Variants in KCNB2 observed in about 807,000 individuals in gnomAD.
The protein encoded by KCNB2 is potassium voltage-gated channel subfamily B member 2.
KCNB2 carries 15 observed loss-of-function variants against 61.5 expected under a neutral mutation model. That is an observed-to-expected ratio of 0.24 (90% confidence interval 0.16 to 0.38). The LOEUF (loss-of-function observed/expected upper bound fraction) is 0.38. Among genes scored for constraint, KCNB2 ranks in the 10% least tolerant of loss-of-function variants. KCNB2 has a pLI of 1.00. For synonymous variants in KCNB2, 457 were observed against 446.0 expected (o/e 1.02, Z -0.31); for missense variants, 828 against 1,125.2 (o/e 0.74, Z 3.78).
At chr8:72,655,503 T>G (rs1806277205) in intron 2 of KCNB2, among the ~76,000 whole-genome samples, 1 of 152,076 alleles carries the variant, frequency 6.6e-6, no homozygotes, top group African/African-American at 2.4e-5. Flanking sequence ...GGATTCAATG[T>G]CTATATGGTA....
At chr8:72,854,613 A>G (rs1810175676) in intron 2 of KCNB2, among the ~76,000 whole-genome samples, 1 of 152,192 alleles carries the variant, frequency 6.6e-6, no homozygotes, top group Non-Finnish European at 1.5e-5. Context: ...CTTTAATCAA[A>G]GAATGAGCAA....
At chr8:72,755,461 C>A (rs1260899579) in intron 2 of KCNB2, among the ~76,000 whole-genome samples, 1 of 152,166 alleles carries the variant, frequency 6.6e-6, no homozygotes, top group Non-Finnish European at 1.5e-5. Context: ...ATGCAAATTT[C>A]TTACAAATCT....
intron 2 of KCNB2, among the ~76,000 whole-genome samples, chr8:72,913,864 G>T (rs1013464983): frequency 6.6e-6 from 1 of 152,106 alleles, no homozygotes; most frequent in South Asian, 2.1e-4. Context: ...ATTCTCTCTT[G>T]TGACATGTCA....
chr8:72,856,818 A>G (rs1240665751), intron 2 of KCNB2, among the ~76,000 whole-genome samples: 1 of 152,182 alleles, frequency 6.6e-6, no homozygotes, highest in African/African-American at 2.4e-5. Flanking sequence ...ACTGTTGCCT[A>G]GGAACATTTC....
chr8:72,803,753 A>T (rs184267012), intron 2 of KCNB2, among the ~76,000 whole-genome samples: 1 of 152,304 alleles, frequency 6.6e-6, no homozygotes, highest in East Asian at 1.9e-4. Context: ...GAGTGAAGAG[A>T]TGTCTGGCAA....
At chr8:72,575,823 C>T (rs902759705) in intron 2 of KCNB2, among the ~76,000 whole-genome samples, 1 of 152,156 alleles carries the variant, frequency 6.6e-6, no homozygotes, top group Non-Finnish European at 1.5e-5. Flanking sequence ...GCTTTGTTTT[C>T]CACAAAATGT....
chr8:72,910,726 A>G (rs1806273405), intron 2 of KCNB2, among the ~76,000 whole-genome samples: 2 of 152,234 alleles, frequency 1.3e-5, no homozygotes, highest in African/African-American at 4.8e-5. Flanking sequence ...AAGCAAAATT[A>G]TAACAGGTTG....
intron 2 of KCNB2, among the ~76,000 whole-genome samples, chr8:72,783,687 C>T (rs978786553): frequency 6.6e-6 from 1 of 152,186 alleles, no homozygotes; most frequent in African/African-American, 2.4e-5. Context: ...TGCTTGCTGT[C>T]ATCCACTAAA....
At chr8:72,767,023 C>T (rs1808470610) in intron 2 of KCNB2, among the ~76,000 whole-genome samples, 1 of 152,092 alleles carries the variant, frequency 6.6e-6, no homozygotes, top group South Asian at 2.1e-4. Flanking sequence ...CCCTGATAAA[C>T]TCATCAGATC....
At position 72,937,656 on chromosome 8, in the gene KCNB2, C is replaced by A. The variant is rs759464922; in HGVS notation, c.2301C>A (p.Pro767=). 1 of 1,613,962 alleles carries A rather than the reference C, an allele frequency of 6.2e-7. No individual in the cohort carries two copies. The highest frequency in any genetic ancestry group is 1.3e-5 in the African/African-American group (1 of 74,922). ...LEETPSQGDR[P]LLGTEVSAPC... ...AAACCCCCTCCCAGGGAGACAGACC[C>A]TTGCTGGGCACTGAGGTTTCAGCGC... The change falls in exon 3 of 3, where the codon CCC becomes CCA. Residue 767 remains proline (P), a synonymous_variant. Coordinates refer to ENST00000523207, the MANE Select transcript of KCNB2 (RefSeq NM_004770.3).
chr8:72,741,852 T>C (rs1233403871), intron 2 of KCNB2, among the ~76,000 whole-genome samples: 2 of 152,188 alleles, frequency 1.3e-5, no homozygotes, highest in Non-Finnish European at 2.9e-5. Context: ...GATGTTGGTA[T>C]GGATGTGGTG....
chr8:72,883,546 A>G (rs540814487), intron 2 of KCNB2, among the ~76,000 whole-genome samples: 24 of 152,234 alleles, frequency 1.6e-4, no homozygotes, highest in Middle Eastern at 3.4e-3. Context: ...TAACCCAACC[A>G]CTTCCCAGCT....
intron 2 of KCNB2, among the ~76,000 whole-genome samples, chr8:72,579,390 C>A (rs965969947): frequency 5.3e-5 from 8 of 152,112 alleles, no homozygotes; most frequent in African/African-American, 1.9e-4. Flanking sequence ...GCTAGCTCAC[C>A]CTCCAAATGG....
chr8:72,920,370 G>A (rs1324851375), intron 2 of KCNB2, among the ~76,000 whole-genome samples: 2 of 149,854 alleles, frequency 1.3e-5, no homozygotes, highest in African/African-American at 4.9e-5. Context: ...TATAATCCCA[G>A]CACTTTGGGA....
chr8:72,581,027 A>G (rs1806884636), intron 2 of KCNB2, among the ~76,000 whole-genome samples: 1 of 152,136 alleles, frequency 6.6e-6, no homozygotes, highest in African/African-American at 2.4e-5. Flanking sequence ...CCACTTCTCA[A>G]ACACAGTGCC....
At chr8:72,851,578 CA>C (rs767080351) in intron 2 of KCNB2, among the ~76,000 whole-genome samples, 1 of 151,988 alleles carries the variant, frequency 6.6e-6, no homozygotes, top group Non-Finnish European at 1.5e-5. Context: ...CTCATAGTAG[CA>C]CGAACCCTTC....
At position 72,856,782 on chromosome 8, in the gene KCNB2, G is replaced by A. The variant is rs117535969; in HGVS notation, c.580-79153G>A. On this transcript the variant is annotated intron_variant, in intron 2 of 2. Transcript: ENST00000523207. ...TAAATTCTGGAAAATACTGTATTAC[G>A]GAAGAAAAAAGCCAACAACTGGAAT... Among the ~76,000 whole-genome samples the A allele has an allele frequency of 4.9e-4, 75 of 152,142 alleles. 1 individual carries two copies. In the East Asian group the frequency reaches 0.014, roughly 28 times the overall value.
chr8:72,838,214 A>G (rs143089003), intron 2 of KCNB2, among the ~76,000 whole-genome samples: 1,894 of 152,248 alleles, frequency 0.012, 43 homozygotes, highest in African/African-American at 0.042. Context: ...TGCTGCACCC[A>G]TCAACTCGTC....
chr8:72,599,595 T>C (rs562691187), intron 2 of KCNB2, among the ~76,000 whole-genome samples: 1 of 152,044 alleles, frequency 6.6e-6, no homozygotes, highest in East Asian at 1.9e-4. Context: ...CATTGACAAA[T>C]GGGATCTAAT....
Sources: gnomAD v4.1 joint callset for allele counts (sites outside exome capture counted in the v4.1 genomes callset) on GRCh38, gnomAD v4.1.1 for gene constraint, MANE v1.5 for transcripts, NCBI Gene and HGNC (gene_info 2026-07-23, HGNC 2026-07-21) for gene names.